The following ASXL3 variants were observed in gnomAD, a reference collection of about 807,000 sequenced individuals.
ASXL3 encodes the protein putative Polycomb group protein ASXL3.
ASXL3 carries 34 observed loss-of-function variants against 170.6 expected under a neutral mutation model. That is an observed-to-expected ratio of 0.20 (90% CI 0.15 to 0.27). ASXL3 has a LOEUF of 0.27. ASXL3 is among the 10% of genes least tolerant of loss of function. The pLI is 1.00. For missense variants in ASXL3, 2,592 were observed against 2,695.3 expected (o/e 0.96, Z 0.85); for synonymous variants, 1,002 against 989.1 (o/e 1.01, Z -0.24).
At chr18:33,610,686 T>G (rs564238399) in intron 2 of ASXL3, among the ~76,000 whole-genome samples, 1 of 152,038 alleles carries the variant, frequency 6.6e-6, no homozygotes, top group Non-Finnish European at 1.5e-5. Context: ...CAATAAACAG[T>G]TGTTTAGTCA....
chr18:33,685,277 A>G (rs2066575453), intron 8 of ASXL3, among the ~76,000 whole-genome samples: 1 of 152,216 alleles, frequency 6.6e-6, no homozygotes, highest in South Asian at 2.1e-4. Context: ...AAAGAGGAGA[A>G]GAAAAATGCA....
At position 33,739,425 on chromosome 18, in the gene ASXL3, C is replaced by T. The variant is rs2067613909; in HGVS notation, c.2021C>T (p.Ala674Val). 3.7e-6 allele frequency: 6 copies of T among 1,613,920 alleles called. No individual in the cohort carries two copies. In the East Asian group the frequency reaches 1.3e-4, roughly 36 times the overall value. ...AATTCCACTGATGAAAACTTTCATG[C>T]ATCTTTGATGTCAGAAATATCTCCA... ...QRNSTDENFHASLMSEISPIS... is the reference protein window; with the variant it reads ...QRNSTDENFHVSLMSEISPIS... Residue 674 changes from alanine (A) to valine (V), a missense_variant, in exon 11 of 12, where the codon GCA (alanine) becomes GTA (valine). By Grantham distance (64) the Ala-to-Val change is moderately conservative. Around this residue, in one of 4 missense-constraint regions of ASXL3, gnomAD observed 2,246 missense variants for 2,219.6 expected, o/e 1.01. Coordinates refer to ENST00000269197, the MANE Select transcript of ASXL3 (RefSeq NM_030632.3).
At position 33,644,978 on chromosome 18, in the gene ASXL3, A is replaced by C; in HGVS notation, c.222A>C (p.Gly74=). 1.3e-6 allele frequency: 2 copies of C among 1,567,632 alleles called. No individual in the cohort carries two copies. Among genetic ancestry groups the C allele is most frequent in the Non-Finnish European group, 1.7e-6 (2 of 1,152,896 alleles). Residue 74 remains glycine (G), a synonymous_variant, in exon 3 of 12, where the codon GGA becomes GGC. Coordinates refer to ENST00000269197, the MANE Select transcript of ASXL3 (RefSeq NM_030632.3). ...ATGGAACATTCTTCAAAATCCCTGG[A>C]AAGTCAGGCCTCTATGCTCTCAAAG... is the stretch of plus-strand genomic sequence containing the variant. ...IGDGTFFKIP[G]KSGLYALKKE...
chr18:33,674,499 T>C lies in ASXL3; in HGVS notation c.715+2633T>C, dbSNP rs151205238. ...AAGCAGCTGAATGGAATGGCTTATT[T>C]TGTGCAAATGAAGTCAGTAGTACTT... On this transcript the variant is annotated intron_variant, in intron 7 of 11. Transcript: ENST00000269197. Among the ~76,000 whole-genome samples the C allele has an allele frequency of 4.9e-3, 754 of 152,342 alleles. 3 individuals carry two copies. The highest frequency in any genetic ancestry group is 0.027 in the Middle Eastern group (8 of 294).
chr18:33,624,505 T>G (rs1389196730), intron 2 of ASXL3, among the ~76,000 whole-genome samples: 2 of 152,102 alleles, frequency 1.3e-5, no homozygotes, highest in Non-Finnish European at 2.9e-5. Flanking sequence ...CTTAGGTCAC[T>G]TCAACCTTCT....
chr18:33,687,905 G>C (rs754965693), intron 8 of ASXL3, among the ~76,000 whole-genome samples: 1 of 152,110 alleles, frequency 6.6e-6, no homozygotes, highest in South Asian at 2.1e-4. Context: ...TGGGCTTCTT[G>C]TTCTTGGTCC....
intron 1 of ASXL3, among the ~76,000 whole-genome samples, chr18:33,595,645 C>T: frequency 6.6e-6 from 1 of 152,226 alleles, no homozygotes. Context: ...CCCATCCTCT[C>T]TCTGCAGAGT....
At chr18:33,683,874 C>G (rs1408826049) in intron 8 of ASXL3, among the ~76,000 whole-genome samples, 2 of 152,192 alleles carry the variant, frequency 1.3e-5, no homozygotes, top group East Asian at 3.9e-4. Context: ...AGTAGCTGCT[C>G]CTTTGCCCAG....
chr18:33,642,092 G>GAT (rs972617750), intron 2 of ASXL3, among the ~76,000 whole-genome samples: 7 of 151,568 alleles, frequency 4.6e-5, no homozygotes, highest in South Asian at 2.1e-4. Flanking sequence ...TTATGTTTAA[G>GAT]ATATATATAT....
chr18:33,727,540 T>C (rs1374779985), intron 8 of ASXL3, among the ~76,000 whole-genome samples: 3 of 152,164 alleles, frequency 2.0e-5, no homozygotes, highest in Admixed American at 2.0e-4. Context: ...AAGTTTTCTT[T>C]ATTAGTGTTT....
chr18:33,665,552 C>G (rs1292630735), intron 5 of ASXL3, among the ~76,000 whole-genome samples: 1 of 152,118 alleles, frequency 6.6e-6, no homozygotes, highest in Non-Finnish European at 1.5e-5. Flanking sequence ...TTACTGCATT[C>G]GATGCATTCT....
At chr18:33,720,864 G>T (rs1206113721) in intron 8 of ASXL3, among the ~76,000 whole-genome samples, 4 of 152,064 alleles carry the variant, frequency 2.6e-5, no homozygotes, top group Admixed American at 1.3e-4. Flanking sequence ...AAAGGTGTCA[G>T]AATTTTAAAC....
chr18:33,675,082 C>A (rs8089672), intron 7 of ASXL3, among the ~76,000 whole-genome samples: 86,073 of 152,014 alleles, frequency 0.57, 24,948 homozygotes, highest in East Asian at 0.89. Flanking sequence ...CTTACTACAA[C>A]CATCATAGCC....
chr18:33,715,548 G>T (rs560448410), intron 8 of ASXL3, among the ~76,000 whole-genome samples: 3 of 152,112 alleles, frequency 2.0e-5, no homozygotes, highest in Non-Finnish European at 4.4e-5. Flanking sequence ...GTAGAAATGG[G>T]CCCAGTGCTG....
intron 2 of ASXL3, among the ~76,000 whole-genome samples, chr18:33,618,552 G>T (rs1450953905): frequency 6.6e-6 from 1 of 152,118 alleles, no homozygotes; most frequent in East Asian, 1.9e-4. Context: ...AGTGTTTACT[G>T]TGTAAGATCC....
chr18:33,713,248 G>GTTTTTTTTTTTTTTTTTTTTT (rs1226619353), intron 8 of ASXL3, among the ~76,000 whole-genome samples: 1 of 65,086 alleles, frequency 1.5e-5, no homozygotes, highest in African/African-American at 6.2e-5. Context: ...GTTTTGTTTT[G>GTTTTTTTTTTTTTTTTTTTTT]TTTTTTTTTT....
chr18:33,679,916 G>A (rs930232426), intron 7 of ASXL3, among the ~76,000 whole-genome samples: 1 of 151,934 alleles, frequency 6.6e-6, no homozygotes, highest in African/African-American at 2.4e-5. Context: ...GGCCAGAGAT[G>A]TCCTTTAATA....
At chr18:33,737,678 T>C (rs912313822) in intron 10 of ASXL3, among the ~76,000 whole-genome samples, 7 of 152,192 alleles carry the variant, frequency 4.6e-5, no homozygotes, top group Non-Finnish European at 7.4e-5. Flanking sequence ...AGAATAACTT[T>C]GATAACCCCA....
intron 6 of ASXL3, 118 bp downstream of exon 6, chr18:33,670,908 T>A: frequency 3.4e-6 from 2 of 595,688 alleles, no homozygotes; most frequent in Middle Eastern, 3.5e-4. Flanking sequence ...TGAGGTTTGG[T>A]TTAATTTCTT....
Sources: allele counts gnomAD v4.1 joint callset (sites outside exome capture counted in the v4.1 genomes callset), GRCh38; gene constraint gnomAD v4.1.1; regional missense constraint gnomAD v4.1.1; transcripts MANE v1.5; gene names NCBI Gene and HGNC (gene_info 2026-07-23, HGNC 2026-07-21).